SDHC: variants seen among roughly 807,000 people sequenced by gnomAD.
SDHC encodes the protein succinate dehydrogenase cytochrome b560 subunit, mitochondrial.
Under a neutral mutation model 22.6 loss-of-function variants are expected in SDHC, and 11 were observed. The observed-to-expected ratio is 0.49, with a 90% confidence interval of 0.31 to 0.81. The LOEUF (loss-of-function observed/expected upper bound fraction) is 0.81, where lower values mean the gene tolerates loss of function less well. Ranked by LOEUF, SDHC falls within the 30% of genes least tolerant of loss-of-function variation. The pLI is 0.05. For missense variants in SDHC, 160 were observed against 212.0 expected, an observed-to-expected ratio of 0.75 and a Z score of 1.52; for synonymous variants, 80 against 77.8, an observed-to-expected ratio of 1.03 and a Z score of -0.15.
chr1:161,314,416 T>C lies in SDHC; in HGVS notation c.11T>C (p.Leu4Pro), dbSNP rs774299337. The change falls in exon 1 of 6, where the codon CTG becomes CCG. Residue 4 changes from leucine to proline, a missense_variant. Coordinates refer to ENST00000367975, the MANE Select transcript of SDHC (RefSeq NM_003001.5). ...AGACCGGAACCCAAGATGGCTGCGC[T>C]GTTGCTGAGGTGACTTCAGTGGGAC... is the stretch of plus-strand genomic sequence containing the variant. MAALLLRHVGRHCL... is the reference protein window; with the variant it reads MAAPLLRHVGRHCL... The C allele has an allele frequency of 1.7e-5, 27 of 1,612,810 alleles. No individual in the cohort carries two copies. The highest frequency in any genetic ancestry group is 2.3e-5 in the Non-Finnish European group (27 of 1,179,974).
intron 3 of SDHC, among the ~76,000 whole-genome samples, chr1:161,335,102 T>C (rs887551641): frequency 6.6e-6 from 1 of 152,212 alleles, no homozygotes; most frequent in Non-Finnish European, 1.5e-5. Flanking sequence ...GTTATGACCT[T>C]GACGTTTTTA....
intron 5 of SDHC, among the ~76,000 whole-genome samples, chr1:161,359,270 A>G (rs1672407959): frequency 6.6e-6 from 1 of 152,196 alleles, no homozygotes; most frequent in African/African-American, 2.4e-5. Flanking sequence ...TCATAGCCTT[A>G]GAGACAAGCA....
intron 1 of SDHC, among the ~76,000 whole-genome samples, chr1:161,316,354 G>A (rs1670617977): frequency 1.3e-5 from 2 of 152,234 alleles, no homozygotes; most frequent in Admixed American, 6.5e-5. Flanking sequence ...GCGGCCTACC[G>A]CAGTGTTTTG....
intron 4 of SDHC, among the ~76,000 whole-genome samples, chr1:161,343,226 A>C (rs770025554): frequency 6.6e-6 from 1 of 152,116 alleles, no homozygotes; most frequent in Non-Finnish European, 1.5e-5. Flanking sequence ...GCTTCTGTAG[A>C]CTATGTTTTT....
At chr1:161,328,589 T>C (rs1671161962) in intron 3 of SDHC, 92 bp downstream of exon 3, 2 of 876,356 alleles carry the variant, frequency 2.3e-6, no homozygotes, top group East Asian at 2.5e-5. Context: ...TCCCTCACTT[T>C]TACTCAACCA....
chr1:161,317,101 C>T (rs985389915), intron 1 of SDHC, among the ~76,000 whole-genome samples: 7 of 151,438 alleles, frequency 4.6e-5, no homozygotes, highest in South Asian at 2.1e-4. Flanking sequence ...TCACTGCAAC[C>T]GCCCCTGCCC....
chr1:161,332,533 A>G (rs940674986), intron 3 of SDHC, among the ~76,000 whole-genome samples: 1 of 152,174 alleles, frequency 6.6e-6, no homozygotes, highest in East Asian at 1.9e-4. Context: ...TACAATTTGT[A>G]TACCATACGG....
At chr1:161,316,327 C>T (rs1670614915) in intron 1 of SDHC, among the ~76,000 whole-genome samples, 1 of 152,230 alleles carries the variant, frequency 6.6e-6, no homozygotes, top group African/African-American at 2.4e-5. Flanking sequence ...ACCTGGCTTT[C>T]CTAGGCGGAG....
At chr1:161,347,575 G>A (rs1190100578) in intron 4 of SDHC, among the ~76,000 whole-genome samples, 1 of 150,730 alleles carries the variant, frequency 6.6e-6, no homozygotes, top group Admixed American at 6.6e-5. Context: ...TCTTAAGAAT[G>A]GTGTTTATGG....
rs367957931 is a variant in SDHC at position 161,315,086 on chromosome 1, G to T, written c.20+661G>T. 4.6e-5 allele frequency among the ~76,000 whole-genome samples: 7 copies of T among 152,180 alleles called. No homozygotes were observed. The East Asian group carries it at 9.6e-4, about 21-fold the overall frequency. On this transcript the variant is annotated intron_variant, in intron 1 of 5. Transcript: ENST00000367975. ...ATTAGTTGTCCAGAGAAATACCCTA[G>T]ATTTTCTTTCATTCTGAACTTTCCG... is the stretch of plus-strand genomic sequence containing the variant.
intron 4 of SDHC, among the ~76,000 whole-genome samples, chr1:161,343,394 A>G (rs1244552600): frequency 1.3e-5 from 2 of 152,146 alleles, no homozygotes; most frequent in African/African-American, 2.4e-5. Context: ...ATGTCCATTT[A>G]TAGACATATA....
At position 161,323,615 on chromosome 1, in the gene SDHC, C is replaced by A. The variant is rs746666691; in HGVS notation, c.22C>A (p.His8Asn). Residue 8 changes from histidine to asparagine, a missense_variant and splice_region_variant, in exon 2 of 6, where the codon CAC becomes AAC. Around this residue, in one of 2 missense-constraint regions of SDHC, gnomAD observed 86 missense variants for 83.4 expected, o/e 1.03. Transcript: ENST00000367975. ...ATTTTTGATTCTCTTATCTTGCAGA[C>A]ACGTTGGTCGTCATTGCCTCCGAGC... MAALLLR[H>N]VGRHCLRAHF... 24 of 1,612,810 alleles carry A rather than the reference C, an allele frequency of 1.5e-5. No homozygotes were observed. In the South Asian group the frequency reaches 2.6e-4, roughly 18 times the overall value.
chr1:161,358,743 A>C (rs1280663906), intron 5 of SDHC, among the ~76,000 whole-genome samples: 1 of 152,020 alleles, frequency 6.6e-6, no homozygotes, highest in Non-Finnish European at 1.5e-5. Flanking sequence ...CCTTACCAAC[A>C]TGGAGAAACG....
At chr1:161,323,897 C>T (rs564283923) in intron 2 of SDHC, among the ~76,000 whole-genome samples, 4 of 152,136 alleles carry the variant, frequency 2.6e-5, no homozygotes, top group African/African-American at 7.2e-5. Flanking sequence ...AGGGTTTCAC[C>T]GTGTTAGCCA....
At chr1:161,335,549 G>A (rs1367683278) in intron 3 of SDHC, among the ~76,000 whole-genome samples, 2 of 152,042 alleles carry the variant, frequency 1.3e-5, no homozygotes, top group Non-Finnish European at 2.9e-5. Flanking sequence ...ATGGACTCAA[G>A]GATAATATGG....
intron 3 of SDHC, among the ~76,000 whole-genome samples, chr1:161,331,146 T>C (rs1671257508): frequency 6.6e-6 from 1 of 152,154 alleles, no homozygotes; most frequent in African/African-American, 2.4e-5. Flanking sequence ...GGGGATCTAC[T>C]AGTAACATGC....
At chr1:161,347,192 A>G (rs1432581441) in intron 4 of SDHC, among the ~76,000 whole-genome samples, 1 of 152,176 alleles carries the variant, frequency 6.6e-6, no homozygotes, top group Non-Finnish European at 1.5e-5. Flanking sequence ...AAATTCCTTT[A>G]TGGAAAGGCA....
At chr1:161,347,195 G>C (rs1271374713) in intron 4 of SDHC, among the ~76,000 whole-genome samples, 1 of 152,148 alleles carries the variant, frequency 6.6e-6, no homozygotes, top group African/African-American at 2.4e-5. Context: ...TTCCTTTATG[G>C]AAAGGCATAG....
chr1:161,340,400 C>T (rs898958382), intron 3 of SDHC, among the ~76,000 whole-genome samples, 194 bp from the exon 4 acceptor site: 11 of 150,026 alleles, frequency 7.3e-5, no homozygotes, highest in East Asian at 5.8e-4. Context: ...TGCTTGGACC[C>T]GGGAAGTGGA....
Sources: allele counts gnomAD v4.1 joint callset (sites outside exome capture counted in the v4.1 genomes callset), GRCh38; gene constraint gnomAD v4.1.1; regional missense constraint gnomAD v4.1.1; transcripts MANE v1.5; gene names NCBI Gene and HGNC (gene_info 2026-07-23, HGNC 2026-07-21).